LNPEP: variants seen among roughly 807,000 people sequenced by gnomAD.
The protein encoded by LNPEP is leucyl and cystinyl aminopeptidase, also known as leucyl-cystinyl aminopeptidase.
A neutral mutation model predicts 120.6 loss-of-function variants in LNPEP; 64 were observed. The observed-to-expected ratio is 0.53, with a 90% confidence interval of 0.43 to 0.65. The LOEUF is 0.65. LNPEP is among the 30% of genes least tolerant of loss of function. The probability of loss-of-function intolerance (pLI) is 0.00; values close to 1 mark genes in which losing one functional copy is unlikely to be tolerated. For synonymous variants in LNPEP, 435 were observed against 425.4 expected (o/e 1.02, Z -0.28); for missense variants, 1,057 against 1,200.0 (o/e 0.88, Z 1.76).
At chr5:96,958,544 C>T in intron 1 of LNPEP, 1 of 952,198 alleles carries the variant, frequency 1.1e-6, no homozygotes, top group Non-Finnish European at 1.3e-6. Context: ...CTATTGCCAC[C>T]ATAACAAATT....
At chr5:96,988,353 T>G (rs1790291873) in intron 4 of LNPEP, among the ~76,000 whole-genome samples, 1 of 149,554 alleles carries the variant, frequency 6.7e-6, no homozygotes, top group Non-Finnish European at 1.5e-5. Flanking sequence ...TTTTTTTTTT[T>G]TTGAGACAGA....
At chr5:97,001,785 A>G (rs182417422) in intron 8 of LNPEP, among the ~76,000 whole-genome samples, 1 of 152,274 alleles carries the variant, frequency 6.6e-6, no homozygotes, top group Admixed American at 6.5e-5. Context: ...CAATAGGTTG[A>G]TAAGATGAGC....
At chr5:97,013,860 CT>C (rs1288211452) in intron 12 of LNPEP, 29 bp downstream of exon 12, 4 of 1,508,610 alleles carry the variant, frequency 2.7e-6, no homozygotes, top group Non-Finnish European at 3.6e-6. Context: ...GAGATTTTTT[CT>C]TTTTTTAAAC....
At chr5:96,942,571 T>C (rs113352849) in intron 1 of LNPEP, among the ~76,000 whole-genome samples, 20 of 151,310 alleles carry the variant, frequency 1.3e-4, no homozygotes, top group African/African-American at 3.6e-4. Context: ...CAAGAATCAC[T>C]TGGACCCAGG....
intron 1 of LNPEP, among the ~76,000 whole-genome samples, chr5:96,957,921 A>G (rs1561431392): frequency 6.6e-6 from 1 of 152,198 alleles, no homozygotes; most frequent in Non-Finnish European, 1.5e-5. Context: ...TAACTTTTGC[A>G]GGTTCATGCA....
intron 6 of LNPEP, among the ~76,000 whole-genome samples, chr5:96,995,608 A>T (rs1282152869): frequency 6.6e-6 from 1 of 151,982 alleles, no homozygotes; most frequent in Non-Finnish European, 1.5e-5. Context: ...AGCTCACTGC[A>T]ATTTTGAACT....
At chr5:97,021,930 T>G (rs1488222439) in intron 13 of LNPEP, among the ~76,000 whole-genome samples, 6 of 134,884 alleles carry the variant, frequency 4.4e-5, no homozygotes, top group Admixed American at 1.5e-4. Context: ...TTTGTTTTTT[T>G]TTTTTTTTTT....
At chr5:96,994,178 C>G (rs1046855211) in intron 6 of LNPEP, among the ~76,000 whole-genome samples, 3 of 152,106 alleles carry the variant, frequency 2.0e-5, no homozygotes, top group South Asian at 4.1e-4. Flanking sequence ...ATTTTCACAT[C>G]TGTCTTACTT....
intron 15 of LNPEP, among the ~76,000 whole-genome samples, chr5:97,025,221 G>A (rs1791311224): frequency 6.6e-6 from 1 of 152,184 alleles, no homozygotes; most frequent in African/African-American, 2.4e-5. Context: ...GGGTAGAGGA[G>A]CTCTACATAG....
chr5:96,990,454 A>G (rs913313453), intron 4 of LNPEP, among the ~76,000 whole-genome samples: 2 of 152,216 alleles, frequency 1.3e-5, no homozygotes, highest in Admixed American at 6.5e-5. Context: ...CCAGTTCTAT[A>G]CATATAATTC....
rs1422018013 is a variant in LNPEP, at chr5:97,030,431, G to GT, written c.*1904dup. Reference sequence around the variant, plus strand: ...TTTGAGAGTTTTGTTGTCGTTGCTGGTTTTTTACCATGTGGTACTAAATTC... The same window carrying GT: ...TTTGAGAGTTTTGTTGTCGTTGCTGGTTTTTTTACCATGTGGTACTAAATTC... On this transcript the variant is annotated 3_prime_UTR_variant, in exon 18 of 18. Transcript: ENST00000231368. 3 of 152,052 alleles carry GT rather than the reference G, an allele frequency of 2.0e-5. No homozygotes were observed. Among genetic ancestry groups the GT allele is most frequent in the Non-Finnish European group, 2.9e-5 (2 of 67,986 alleles). 9.4% of individuals were successfully genotyped at this position (152,052 alleles called of 1,614,324 possible). A position where few individuals can be genotyped will look rare whatever the true frequency, so the allele number is the denominator to read the frequency against.
At chr5:96,975,334 A>G (rs1254212488) in intron 1 of LNPEP, among the ~76,000 whole-genome samples, 1 of 152,194 alleles carries the variant, frequency 6.6e-6, no homozygotes, top group Non-Finnish European at 1.5e-5. Flanking sequence ...AATCTCAGTG[A>G]ATGACATTCC....
At position 96,977,367 on chromosome 5, in the gene LNPEP, GAC is replaced by G. The variant is rs74825178; in HGVS notation, c.20-1769_20-1768del. 5.3e-3 allele frequency among the ~76,000 whole-genome samples: 800 copies of G among 152,018 alleles called. 6 individuals are homozygous for G. The highest frequency in any genetic ancestry group is 7.2e-3 in the Non-Finnish European group (487 of 67,954). The stretch of plus-strand genomic sequence containing the variant: ...GCAGAGGGAAGAGAAAAGAAAAAGA[GAC>G]ATGTGGAGGATAGCGTGGAATAGCT... On this transcript the variant is annotated intron_variant, in intron 1 of 17. Transcript: ENST00000231368.
intron 1 of LNPEP, among the ~76,000 whole-genome samples, chr5:96,966,772 G>C (rs187146134): frequency 1.3e-5 from 2 of 151,918 alleles, no homozygotes; most frequent in East Asian, 3.9e-4. Context: ...AAATAATTAG[G>C]TTAGAAGCTT....
chr5:97,002,288 C>T (rs1343521457), intron 8 of LNPEP, among the ~76,000 whole-genome samples: 1 of 152,090 alleles, frequency 6.6e-6, no homozygotes, highest in African/African-American at 2.4e-5. Context: ...AAAAAAACAG[C>T]ACGGTAACGA....
chr5:96,998,654 G>A (rs890842836), intron 8 of LNPEP, among the ~76,000 whole-genome samples: 1 of 152,186 alleles, frequency 6.6e-6, no homozygotes, highest in Non-Finnish European at 1.5e-5. Flanking sequence ...TAGAAGAATA[G>A]TGATAACGGT....
chr5:97,034,343 T>TA lies in LNPEP; in HGVS notation c.*5810_*5811insA, dbSNP rs1188760703. 2 of 152,308 alleles carry TA rather than the reference T, an allele frequency of 1.3e-5. No individual in the cohort carries two copies. The highest frequency in any genetic ancestry group is 3.9e-4 in the East Asian group (2 of 5,188). 9.4% of individuals were successfully genotyped at this position (152,308 alleles called of 1,614,324 possible). ...ATGAAAAAATCTCCCCTTCTCCCCTTCCCTTATTGCCTGTCTTGGCAATGG... is the reference window on the plus strand; with the variant it reads ...ATGAAAAAATCTCCCCTTCTCCCCTTACCCTTATTGCCTGTCTTGGCAATGG... On this transcript the variant is annotated 3_prime_UTR_variant, in exon 18 of 18. Coordinates refer to ENST00000231368, the MANE Select transcript of LNPEP (RefSeq NM_005575.3).
chr5:96,965,382 T>G (rs1789703049), intron 1 of LNPEP, among the ~76,000 whole-genome samples: 1 of 151,970 alleles, frequency 6.6e-6, no homozygotes, highest in Non-Finnish European at 1.5e-5. Flanking sequence ...GCAAAAATCC[T>G]AGAATTCTGC....
At chr5:97,003,384 C>T in intron 8 of LNPEP, 31 bp from the exon 9 acceptor site, 8 of 1,258,252 alleles carry the variant, frequency 6.4e-6, no homozygotes, top group East Asian at 2.5e-5. Flanking sequence ...CTATTATTTT[C>T]TTTCTTTTTC....
Sources: allele counts gnomAD v4.1 joint callset (sites outside exome capture counted in the v4.1 genomes callset), GRCh38; gene constraint gnomAD v4.1.1; transcripts MANE v1.5; gene names NCBI Gene and HGNC (gene_info 2026-07-23, HGNC 2026-07-21).